The following SLC1A1 variants were observed in gnomAD, a reference collection of about 807,000 sequenced individuals.
SLC1A1 encodes solute carrier family 1 member 1.
A neutral mutation model predicts 53.3 loss-of-function variants in SLC1A1; 43 were observed. The ratio of observed to expected loss-of-function variants is 0.81; its 90% CI spans 0.63 to 1.04. The LOEUF (loss-of-function observed/expected upper bound fraction) is 1.04. Ranked by LOEUF, SLC1A1 falls within the 50% of genes least tolerant of loss-of-function variation. The probability of loss-of-function intolerance (pLI) is 0.00; values close to 1 mark genes in which losing one functional copy is unlikely to be tolerated. For synonymous variants in SLC1A1, 307 were observed against 243.2 expected, an observed-to-expected ratio of 1.26 and a Z score of -2.44; for missense variants, 748 against 664.9, an observed-to-expected ratio of 1.12 and a Z score of -1.37.
intron 1 of SLC1A1, among the ~76,000 whole-genome samples, chr9:4,508,562 C>T (rs1277694919): frequency 6.6e-6 from 1 of 152,134 alleles, no homozygotes. Flanking sequence ...GTGTACAGCA[C>T]CATAGCCATT....
chr9:4,561,303 T>G (rs1818914393), intron 2 of SLC1A1, 146 bp from the exon 3 acceptor site: 1 of 714,160 alleles, frequency 1.4e-6, no homozygotes, highest in South Asian at 1.5e-5. Context: ...TTTGAAGTGT[T>G]GCTTTTGCCC....
rs903446536 is a variant in SLC1A1, at chr9:4,583,280, A to G, written c.1328+108A>G. Reference sequence around the variant, plus strand: ...CTCTCCTCAGATTGCCTAATGAGCCACCTGTTGCTGCTTTAATTTTCCTCT... The same window carrying G: ...CTCTCCTCAGATTGCCTAATGAGCCGCCTGTTGCTGCTTTAATTTTCCTCT... On this transcript the variant is annotated intron_variant, in intron 11 of 11. Coordinates refer to ENST00000262352, the MANE Select transcript of SLC1A1 (RefSeq NM_004170.6). The surrounding 1 kb of genome is among the most constrained non-coding windows in gnomAD (Gnocchi z 4.6). 6 of 1,383,514 alleles carry G rather than the reference A, an allele frequency of 4.3e-6. No individual in the cohort carries two copies. In the African/African-American group the frequency reaches 8.5e-5, roughly 20 times the overall value. 85.7% of individuals were successfully genotyped at this position (1,383,514 alleles called of 1,614,324 possible). A position where few individuals can be genotyped will look rare whatever the true frequency, so the allele number is the denominator to read the frequency against.
intron 1 of SLC1A1, among the ~76,000 whole-genome samples, chr9:4,514,355 C>T (rs1176613077): frequency 2.0e-5 from 3 of 152,136 alleles, no homozygotes; most frequent in African/African-American, 7.2e-5. Flanking sequence ...TGCCGTAATT[C>T]CCATTGAGGA....
intron 1 of SLC1A1, among the ~76,000 whole-genome samples, chr9:4,492,413 C>G (rs1820267708): frequency 6.9e-6 from 1 of 144,226 alleles, no homozygotes; most frequent in Admixed American, 7.3e-5. Flanking sequence ...ACCCAGAAGG[C>G]AGAGGTTGAA....
Position 4,583,162 on chromosome 9 carries a change from G to A in SLC1A1, c.1318G>A (p.Asp440Asn). The A allele has an allele frequency of 1.9e-6, 3 of 1,614,194 alleles. No homozygotes were observed. In the South Asian group the frequency reaches 3.3e-5, roughly 18 times the overall value. ...GGATGTCACCCTGATCATTGCTGTC[G>A]ACTGGCTCCTGTGAGTTGGAATAAA... is the stretch of plus-strand genomic sequence containing the variant. The part of the protein sequence containing the change: ...AEDVTLIIAV[D>N]WLLDRFRTMV... Residue 440 changes from aspartate (D) to asparagine (N), a missense_variant, in exon 11 of 12, where the codon GAC becomes AAC. By Grantham distance (23) the Asp-to-Asn change is conservative. Transcript: ENST00000262352. The surrounding 1 kb of genome is among the most constrained non-coding windows in gnomAD (Gnocchi z 4.6).
intron 1 of SLC1A1, among the ~76,000 whole-genome samples, chr9:4,536,824 A>C (rs1258688217): frequency 6.6e-6 from 1 of 152,188 alleles, no homozygotes; most frequent in Non-Finnish European, 1.5e-5. Context: ...CTGGATTAAG[A>C]AAATGTGGCA....
intron 1 of SLC1A1, among the ~76,000 whole-genome samples, chr9:4,508,847 C>G (rs991743541): frequency 6.6e-6 from 1 of 152,200 alleles, no homozygotes; most frequent in Non-Finnish European, 1.5e-5. Context: ...AGGTGTCAAT[C>G]AAACACCTAC....
Position 4,532,017 on chromosome 9 carries a change from A to C in SLC1A1, c.92-12550A>C, listed in dbSNP as rs138881556. Among the ~76,000 whole-genome samples, 729 of 152,310 alleles carry C rather than the reference A, an allele frequency of 4.8e-3. 8 individuals carry two copies. The highest frequency in any genetic ancestry group is 0.017 in the African/African-American group (691 of 41,568). On this transcript the variant is annotated intron_variant, in intron 1 of 11. Transcript: ENST00000262352. ...GGTCCTGACCGTTAGAAGGAAAACT[A>C]ACAAACAGAAAGGACATCCACACCA...
intron 1 of SLC1A1, among the ~76,000 whole-genome samples, chr9:4,511,615 G>C (rs1202235070): frequency 7.0e-6 from 1 of 143,312 alleles, no homozygotes; most frequent in Non-Finnish European, 1.5e-5. Context: ...CTACACTACA[G>C]CTTATATTTA....
At chr9:4,573,021 C>T (rs1009904321) in intron 7 of SLC1A1, among the ~76,000 whole-genome samples, 1 of 152,206 alleles carries the variant, frequency 6.6e-6, no homozygotes, top group Non-Finnish European at 1.5e-5. Context: ...TTTCACTGTA[C>T]ATGAGAACAC....
rs987935044 is a variant in SLC1A1 at position 4,571,903 on chromosome 9, A to G, written c.583-301A>G. On this transcript the variant is annotated intron_variant, in intron 6 of 11. Coordinates refer to ENST00000262352, the MANE Select transcript of SLC1A1 (RefSeq NM_004170.6). ...TAAAATGACCCTGAAAAGTGCCTTC[A>G]ATCTAAAATTCATAATAAAAATATA... 4.6e-5 allele frequency among the ~76,000 whole-genome samples: 7 copies of G among 152,170 alleles called. No homozygotes were observed. The East Asian group carries it at 1.3e-3, about 29-fold the overall frequency.
chr9:4,507,537 C>T (rs981732858), intron 1 of SLC1A1, among the ~76,000 whole-genome samples: 1 of 152,184 alleles, frequency 6.6e-6, no homozygotes, highest in African/African-American at 2.4e-5. Context: ...TGTGGTCCTT[C>T]TGGGAGTGGG....
Position 4,587,098 on chromosome 9 carries a change from A to T in SLC1A1, c.*1540A>T, listed in dbSNP as rs1390149127. On this transcript the variant is annotated 3_prime_UTR_variant, in exon 12 of 12. Coordinates refer to ENST00000262352, the MANE Select transcript of SLC1A1 (RefSeq NM_004170.6). ...TGAGAAATTGTGCCAAAGATAGCAG[A>T]AGAGTAGATAAGTGCTCAGTATTGA... The T allele has an allele frequency of 6.6e-6, 1 of 152,662 alleles. No individual in the cohort carries two copies. Among genetic ancestry groups the T allele is most frequent in the Non-Finnish European group, 1.5e-5 (1 of 68,038 alleles). The allele number at this position is 152,662 out of a possible 1,614,324, so 9.5% of individuals were successfully genotyped here.
chr9:4,506,223 C>T (rs1015333978), intron 1 of SLC1A1, among the ~76,000 whole-genome samples: 1 of 152,196 alleles, frequency 6.6e-6, no homozygotes, highest in Non-Finnish European at 1.5e-5. Flanking sequence ...TCCCAAAGTG[C>T]TGGGATTACA....
At chr9:4,565,021 T>C (rs894002541) in intron 4 of SLC1A1, among the ~76,000 whole-genome samples, 1 of 152,212 alleles carries the variant, frequency 6.6e-6, no homozygotes, top group African/African-American at 2.4e-5. Flanking sequence ...CCCTTATAAA[T>C]ATATCATCTG....
At position 4,544,607 on chromosome 9, in the gene SLC1A1, C is replaced by G. The variant is rs781512369; in HGVS notation, c.132C>G (p.Leu44=). ...TCTTGGTTCGAGAACACAGCAACCT[C>G]TCAACTCTAGAGAAATTCTACTTTG... ...TGVLVREHSN[L]STLEKFYFAF... Residue 44 remains leucine, a synonymous_variant, in exon 2 of 12, where the codon CTC becomes CTG. Transcript: ENST00000262352. 7 of 1,613,636 alleles carry G rather than the reference C, an allele frequency of 4.3e-6. No homozygotes were observed. The African/African-American group carries it at 9.3e-5, about 22-fold the overall frequency.
chr9:4,538,016 A>T (rs1353870685), intron 1 of SLC1A1, among the ~76,000 whole-genome samples: 1 of 152,250 alleles, frequency 6.6e-6, no homozygotes. Flanking sequence ...ATAATTTTTT[A>T]AATTATAAGA....
At chr9:4,560,794 G>A (rs563204024) in intron 2 of SLC1A1, among the ~76,000 whole-genome samples, 1 of 152,040 alleles carries the variant, frequency 6.6e-6, no homozygotes, top group South Asian at 2.1e-4. Context: ...TCAGGAGTTC[G>A]AGACAAGCCT....
chr9:4,505,313 A>T (rs1181257304), intron 1 of SLC1A1, among the ~76,000 whole-genome samples: 2 of 151,842 alleles, frequency 1.3e-5, no homozygotes, highest in African/African-American at 4.8e-5. Flanking sequence ...CCTCCCAAAG[A>T]GCTGGGATTA....
Sources: allele counts gnomAD v4.1 joint callset (sites outside exome capture counted in the v4.1 genomes callset), GRCh38; gene constraint gnomAD v4.1.1; non-coding constraint Gnocchi (gnomAD v3.1); transcripts MANE v1.5; gene names NCBI Gene and HGNC (gene_info 2026-07-23, HGNC 2026-07-21).